Variants in CADM2 observed in about 807,000 individuals in gnomAD.
CADM2 encodes cell adhesion molecule 2.
Under a neutral mutation model 49.8 loss-of-function variants are expected in CADM2, and 12 were observed. That is an observed-to-expected ratio of 0.24 (90% CI 0.15 to 0.39). CADM2 has a LOEUF of 0.39. Among genes scored for constraint, CADM2 ranks in the 10% least tolerant of loss-of-function variants. The pLI, the probability that CADM2 is intolerant of heterozygous loss-of-function variation, is 1.00. For missense variants in CADM2, 378 were observed against 492.3 expected (o/e 0.77, Z 2.20); for synonymous variants, 214 against 175.4 (o/e 1.22, Z -1.74).
intron 7 of CADM2, among the ~76,000 whole-genome samples, chr3:85,942,681 T>C (rs541420147): frequency 6.6e-6 from 1 of 151,954 alleles, no homozygotes; most frequent in Non-Finnish European, 1.5e-5. Context: ...TTTTTATGGC[T>C]GCATAGTATT....
At chr3:85,829,629 T>C (rs1303782311) in intron 3 of CADM2, among the ~76,000 whole-genome samples, 1 of 152,002 alleles carries the variant, frequency 6.6e-6, no homozygotes, top group East Asian at 1.9e-4. Context: ...ACCTTGTTCA[T>C]CTTCTAGCTG....
At chr3:85,534,211 A>G (rs1448728885) in intron 1 of CADM2, among the ~76,000 whole-genome samples, 1 of 152,168 alleles carries the variant, frequency 6.6e-6, no homozygotes, top group Admixed American at 6.5e-5. Flanking sequence ...TGGAATGTTA[A>G]TGTTTCCCTT....
intron 1 of CADM2, among the ~76,000 whole-genome samples, chr3:85,524,785 C>T (rs2061121132): frequency 6.6e-6 from 1 of 152,034 alleles, no homozygotes; most frequent in African/African-American, 2.4e-5. Context: ...ATTAGTTTTG[C>T]TTTATGTATT....
intron 1 of CADM2, among the ~76,000 whole-genome samples, chr3:85,098,556 A>G (rs1167355646): frequency 6.6e-6 from 1 of 152,180 alleles, no homozygotes; most frequent in Non-Finnish European, 1.5e-5. Context: ...GTAATTTATT[A>G]TCTCCTTATT....
chr3:85,442,703 G>C (rs998641362), intron 1 of CADM2, among the ~76,000 whole-genome samples: 1 of 147,122 alleles, frequency 6.8e-6, no homozygotes, highest in Non-Finnish European at 1.5e-5. Flanking sequence ...TGTTTTTGCA[G>C]CCCTTTAAGT....
At chr3:85,361,693 G>A (rs749292700) in intron 1 of CADM2, among the ~76,000 whole-genome samples, 49 of 152,084 alleles carry the variant, frequency 3.2e-4, no homozygotes, top group Non-Finnish European at 6.2e-4. Context: ...ATTGCAAAGC[G>A]TCCTGAAATC....
chr3:85,935,857 T>C lies in CADM2; in HGVS notation c.791T>C (p.Leu264Pro), dbSNP rs200357221. ...ACTTGTGAATCCAAAGGAAAACCAC[T>C]GTAAGTGAGTTAATGAGCAATAAAG... Reference protein sequence around the residue: ...ILTCESKGKPLPEPVLWTKDG... With the variant: ...ILTCESKGKPPPEPVLWTKDG... Residue 264 changes from leucine (L) to proline (P), a missense_variant and splice_region_variant, in exon 7 of 10, where the codon CTG (leucine) becomes CCG (proline). By Grantham distance (98) the Leu-to-Pro change is moderately conservative. Transcript: ENST00000383699. 6 of 1,568,994 alleles carry C rather than the reference T, an allele frequency of 3.8e-6. No homozygotes were observed. Among genetic ancestry groups the C allele is most frequent in the African/African-American group, 1.4e-5 (1 of 73,656 alleles).
chr3:85,340,299 T>C (rs1313023170), intron 1 of CADM2, among the ~76,000 whole-genome samples: 3 of 151,678 alleles, frequency 2.0e-5, no homozygotes, highest in African/African-American at 7.2e-5. Context: ...GCCTCTGCCA[T>C]GTGATGTTTA....
chr3:85,450,616 A>G (rs1394683842), intron 1 of CADM2, among the ~76,000 whole-genome samples: 1 of 152,054 alleles, frequency 6.6e-6, no homozygotes, highest in Non-Finnish European at 1.5e-5. Flanking sequence ...ATATATTTTC[A>G]TAAATTTTTG....
chr3:85,663,012 C>T (rs926592459), intron 1 of CADM2, among the ~76,000 whole-genome samples: 4 of 151,870 alleles, frequency 2.6e-5, no homozygotes, highest in Non-Finnish European at 5.9e-5. Context: ...ACCTAGTTTT[C>T]GTAACTAGAT....
chr3:85,831,803 C>T (rs538144364), intron 3 of CADM2, among the ~76,000 whole-genome samples: 33 of 148,328 alleles, frequency 2.2e-4, no homozygotes, highest in Middle Eastern at 3.4e-3. Flanking sequence ...TCTCTTGATA[C>T]TCTCTTTCAT....
At chr3:85,458,160 C>G (rs1171756130) in intron 1 of CADM2, among the ~76,000 whole-genome samples, 1 of 152,124 alleles carries the variant, frequency 6.6e-6, no homozygotes, top group Non-Finnish European at 1.5e-5. Flanking sequence ...CACAGATTTT[C>G]TGCTTTGTAT....
intron 1 of CADM2, among the ~76,000 whole-genome samples, chr3:85,132,942 T>C (rs2039281810): frequency 6.6e-6 from 1 of 152,160 alleles, no homozygotes; most frequent in African/African-American, 2.4e-5. Flanking sequence ...CTGGAGTTTG[T>C]TCCTTCTGAT....
intron 1 of CADM2, among the ~76,000 whole-genome samples, chr3:85,229,036 G>C (rs1392218788): frequency 1.3e-5 from 2 of 152,200 alleles, no homozygotes; most frequent in Non-Finnish European, 2.9e-5. Flanking sequence ...GGAATCTAGA[G>C]AGGCAGTTGG....
chr3:85,681,206 A>G (rs2066031375), intron 1 of CADM2, among the ~76,000 whole-genome samples: 1 of 152,146 alleles, frequency 6.6e-6, no homozygotes, highest in South Asian at 2.1e-4. Context: ...AAAACAATTT[A>G]CATTAATAAC....
intron 8 of CADM2, among the ~76,000 whole-genome samples, chr3:86,034,564 T>G (rs1368502627): frequency 1.3e-5 from 2 of 152,034 alleles, no homozygotes; most frequent in African/African-American, 4.8e-5. Context: ...ACCAAATTTA[T>G]GTTATGCTGT....
rs139116381 is a variant in CADM2 at position 85,613,584 on chromosome 3, C to A, written c.62-112938C>A. On this transcript the variant is annotated intron_variant, in intron 1 of 9. Coordinates refer to ENST00000383699, the MANE Select transcript of CADM2 (RefSeq NM_001167675.2). The stretch of plus-strand genomic sequence containing the variant: ...GATCACGATACCAGGGTTCACGAGG[C>A]AGAATTTTGATTTTCTTTTGGTTTG... Among the ~76,000 whole-genome samples the A allele has an allele frequency of 4.9e-3, 744 of 151,498 alleles. 7 individuals are homozygous for A. Among genetic ancestry groups the A allele is most frequent in the Admixed American group, 0.011 (160 of 15,146 alleles).
intron 2 of CADM2, among the ~76,000 whole-genome samples, chr3:85,734,748 A>G (rs2068064446): frequency 6.7e-6 from 1 of 148,192 alleles, no homozygotes; most frequent in East Asian, 1.9e-4. Flanking sequence ...GTATACATAC[A>G]TATATGTATA....
chr3:84,979,004 C>A (rs1279913181), intron 1 of CADM2, among the ~76,000 whole-genome samples: 4 of 152,114 alleles, frequency 2.6e-5, no homozygotes, highest in Non-Finnish European at 4.4e-5. Context: ...TTGGCTCCCC[C>A]CATCACCCGG....
Sources: gnomAD v4.1 joint callset for allele counts (sites outside exome capture counted in the v4.1 genomes callset) on GRCh38, gnomAD v4.1.1 for gene constraint, MANE v1.5 for transcripts, NCBI Gene and HGNC (gene_info 2026-07-23, HGNC 2026-07-21) for gene names.